Variants in NEBL observed in about 807,000 individuals in gnomAD.
NEBL encodes nebulette.
In NEBL, 122 loss-of-function variants were observed where a neutral mutation model predicts 140.2. That is an observed-to-expected ratio of 0.87 (90% CI 0.75 to 1.01). NEBL has a LOEUF of 1.01. Ranked by LOEUF, NEBL falls within the 50% of genes least tolerant of loss-of-function variation. The pLI is 0.00. For missense variants in NEBL, 1,365 were observed against 1,231.3 expected (o/e 1.11, Z -1.62); for synonymous variants, 436 against 398.9 (o/e 1.09, Z -1.11).
At chr10:20,894,943 A>T (rs187387064) in intron 2 of NEBL, among the ~76,000 whole-genome samples, 2 of 151,544 alleles carry the variant, frequency 1.3e-5, no homozygotes, top group Admixed American at 6.6e-5. Context: ...AAAAAAAAAA[A>T]AAAAAAATTA....
intron 2 of NEBL, among the ~76,000 whole-genome samples, chr10:21,162,003 G>A (rs1278759305): frequency 6.6e-6 from 1 of 152,218 alleles, no homozygotes; most frequent in Non-Finnish European, 1.5e-5. Context: ...TGAGCCGGAT[G>A]AGATCAGCTG....
chr10:21,218,461 A>G (rs891463826), intron 3 of NEBL, among the ~76,000 whole-genome samples: 1 of 130,360 alleles, frequency 7.7e-6, no homozygotes, highest in Non-Finnish European at 1.5e-5. Flanking sequence ...TCTTTCTCAT[A>G]AGATAAAATT....
At chr10:21,061,376 T>TACATA (rs1182292885) in intron 2 of NEBL, among the ~76,000 whole-genome samples, 9 of 133,146 alleles carry the variant, frequency 6.8e-5, no homozygotes, top group South Asian at 2.3e-4. Context: ...AGATTTATGT[T>TACATA]TTATATCATA....
At chr10:20,919,069 C>T (rs899380053) in intron 4 of NEBL, among the ~76,000 whole-genome samples, 2 of 151,968 alleles carry the variant, frequency 1.3e-5, no homozygotes, top group Non-Finnish European at 2.9e-5. Flanking sequence ...ATTCCAAATG[C>T]CTTAAGATGC....
chr10:21,146,268 A>G, intron 2 of NEBL: 21 of 1,197,792 alleles, frequency 1.8e-5, no homozygotes, highest in Non-Finnish European at 2.5e-5. Flanking sequence ...GTCAGGCAGC[A>G]TCATTTACAT....
chr10:20,824,046 T>C (rs1175649234), intron 18 of NEBL, among the ~76,000 whole-genome samples: 1 of 152,110 alleles, frequency 6.6e-6, no homozygotes, highest in Non-Finnish European at 1.5e-5. Flanking sequence ...AATACAAGCA[T>C]ACAGTTATGC....
rs944103597 is a variant in NEBL at position 21,107,563 on chromosome 10, A to C, written c.164+64820T>G. Reference sequence around the variant, plus strand: ...AGCTTTCTGATGTGCTGCTGGATTCAGTTTGCCAGTATTTTATTGAGGATT... The same window carrying C: ...AGCTTTCTGATGTGCTGCTGGATTCCGTTTGCCAGTATTTTATTGAGGATT... On this transcript the variant is annotated intron_variant, in intron 2 of 6. Coordinates refer to the NEBL transcript ENST00000417816. Among the ~76,000 whole-genome samples the C allele has an allele frequency of 5.6e-4, 86 of 152,252 alleles. 1 individual carries two copies. The highest frequency in any genetic ancestry group is 1.8e-3 in the African/African-American group (75 of 41,550).
chr10:21,289,249 C>T (rs1189175456), intron 1 of NEBL, among the ~76,000 whole-genome samples: 1 of 151,978 alleles, frequency 6.6e-6, no homozygotes, highest in East Asian at 1.9e-4. Flanking sequence ...CAAATGAGGG[C>T]CTTACAGCTG....
At chr10:21,103,931 A>C (rs1837592155) in intron 2 of NEBL, among the ~76,000 whole-genome samples, 1 of 152,132 alleles carries the variant, frequency 6.6e-6, no homozygotes. Flanking sequence ...TCTTACATTT[A>C]AGTTTATGAT....
At chr10:21,249,536 T>A (rs1842561359) in intron 2 of NEBL, among the ~76,000 whole-genome samples, 1 of 151,802 alleles carries the variant, frequency 6.6e-6, no homozygotes. Flanking sequence ...CCATTTTGAG[T>A]TAATTTCAAT....
At chr10:21,245,614 C>T (rs1329607606) in intron 3 of NEBL, among the ~76,000 whole-genome samples, 1 of 152,142 alleles carries the variant, frequency 6.6e-6, no homozygotes, top group African/African-American at 2.4e-5. Context: ...TCACTGCAAC[C>T]TCCACCTCCT....
chr10:20,789,091 G>C (rs1835693088), intron 26 of NEBL, among the ~76,000 whole-genome samples: 1 of 152,144 alleles, frequency 6.6e-6, no homozygotes, highest in Admixed American at 6.6e-5. Context: ...CGAGGGTCTT[G>C]GGCACCTGGC....
At chr10:20,800,902 G>A (rs1447261378) in intron 26 of NEBL, among the ~76,000 whole-genome samples, 4 of 152,126 alleles carry the variant, frequency 2.6e-5, no homozygotes, top group African/African-American at 9.7e-5. Flanking sequence ...TCACCTACAA[G>A]TGTAGGTCAC....
intron 9 of NEBL, among the ~76,000 whole-genome samples, chr10:20,857,858 T>G (rs1477534203): frequency 6.6e-6 from 1 of 152,130 alleles, no homozygotes; most frequent in Non-Finnish European, 1.5e-5. Context: ...TTCATGCTAC[T>G]GAAGGCGTAC....
At chr10:20,869,985 T>C (rs1844755733) in intron 5 of NEBL, 144 bp from the exon 6 acceptor site, 18 of 675,266 alleles carry the variant, frequency 2.7e-5, no homozygotes, top group Middle Eastern at 3.2e-4. Flanking sequence ...GTGCATCTAT[T>C]TGTATAGCTA....
intron 4 of NEBL, among the ~76,000 whole-genome samples, chr10:20,932,579 T>C (rs892042783): frequency 1.7e-4 from 26 of 152,286 alleles, no homozygotes; most frequent in Non-Finnish European, 2.9e-4. Flanking sequence ...ATCCCAGAAC[T>C]TAAAGTAAAA....
chr10:21,074,372 T>C (rs1032826214), intron 2 of NEBL, among the ~76,000 whole-genome samples: 1 of 152,200 alleles, frequency 6.6e-6, no homozygotes, highest in African/African-American at 2.4e-5. Flanking sequence ...ATGGGATTCC[T>C]AGAAACTAAT....
At chr10:20,873,812 T>C (rs909073634) in intron 5 of NEBL, among the ~76,000 whole-genome samples, 4 of 152,180 alleles carry the variant, frequency 2.6e-5, no homozygotes, top group Non-Finnish European at 5.9e-5. Flanking sequence ...ACTGAATCTA[T>C]AAAATGCCTT....
intron 2 of NEBL, chr10:21,029,903 G>A (rs1456286004): frequency 4.8e-6 from 3 of 625,132 alleles, no homozygotes; most frequent in Admixed American, 2.4e-5. Flanking sequence ...TATGAAGACC[G>A]ATACAACAGA....
Sources: gnomAD v4.1 joint callset for allele counts (sites outside exome capture counted in the v4.1 genomes callset) on GRCh38, gnomAD v4.1.1 for gene constraint, MANE v1.5 for transcripts, NCBI Gene and HGNC (gene_info 2026-07-23, HGNC 2026-07-21) for gene names.